ALS2: variants seen among roughly 807,000 people sequenced by gnomAD.
ALS2 encodes alsin.
In ALS2, 117 loss-of-function variants were observed where a neutral mutation model predicts 203.4. The ratio of observed to expected loss-of-function variants is 0.58; its 90% CI spans 0.50 to 0.67. The LOEUF is 0.67. ALS2 is among the 30% of genes least tolerant of loss of function. The pLI is 0.00. For synonymous variants in ALS2, 718 were observed against 725.9 expected, an observed-to-expected ratio of 0.99 and a Z score of 0.17; for missense variants, 1,715 against 1,989.4, an observed-to-expected ratio of 0.86 and a Z score of 2.62.
chr2:201,720,370 A>T (rs1398768506), intron 23 of ALS2, among the ~76,000 whole-genome samples: 1 of 152,092 alleles, frequency 6.6e-6, no homozygotes, highest in Non-Finnish European at 1.5e-5. Context: ...TAAAAACCAC[A>T]TGATCATCTC....
At chr2:201,709,387 T>A (rs1427839946) in intron 27 of ALS2, among the ~76,000 whole-genome samples, 1 of 152,220 alleles carries the variant, frequency 6.6e-6, no homozygotes, top group Non-Finnish European at 1.5e-5. Context: ...CAGCAAAGAC[T>A]GTTTGTCTTT....
chr2:201,729,286 G>A, intron 13 of ALS2, 103 bp from the exon 14 acceptor site: 1 of 1,351,316 alleles, frequency 7.4e-7, no homozygotes, highest in Non-Finnish European at 1.0e-6. Context: ...TTAAATGTAG[G>A]AGAAAATTCA....
At chr2:201,762,140 C>T (rs1004659093) in intron 3 of ALS2, among the ~76,000 whole-genome samples, 23 of 152,174 alleles carry the variant, frequency 1.5e-4, no homozygotes. Flanking sequence ...ATTATAGAAA[C>T]AGATTCCAAG....
Position 201,718,106 on chromosome 2 carries a change from A to G in ALS2, c.3807T>C (p.Tyr1269=). 1.2e-6 allele frequency: 2 copies of G among 1,613,738 alleles called. No individual in the cohort carries two copies. Among genetic ancestry groups the G allele is most frequent in the Non-Finnish European group, 1.7e-6 (2 of 1,179,698 alleles). The change falls in exon 24 of 34, where the codon TAT becomes TAC. Residue 1269 remains tyrosine (Y), a synonymous_variant. Transcript: ENST00000264276. ...CTTTAGGTCTGTCTTTATCACTCTCATATAGACTAGGTTTGAAGTAGGTTC... is the reference window on the plus strand; with the variant it reads ...CTTTAGGTCTGTCTTTATCACTCTCGTATAGACTAGGTTTGAAGTAGGTTC... ...ITGTYFKPSL[Y]ESDKDRPKVF...
intron 12 of ALS2, among the ~76,000 whole-genome samples, chr2:201,735,727 A>T (rs1336580199): frequency 6.6e-6 from 1 of 152,204 alleles, no homozygotes; most frequent in African/African-American, 2.4e-5. Flanking sequence ...AACAAGGTCA[A>T]TTCTTCAGTA....
At chr2:201,776,655 G>T (rs1694675762) in intron 1 of ALS2, among the ~76,000 whole-genome samples, 1 of 151,926 alleles carries the variant, frequency 6.6e-6, no homozygotes, top group African/African-American at 2.4e-5. Context: ...TATTAAAATG[G>T]CCACAATTTT....
chr2:201,774,540 A>G (rs1694567634), intron 1 of ALS2, among the ~76,000 whole-genome samples: 1 of 152,204 alleles, frequency 6.6e-6, no homozygotes, highest in South Asian at 2.1e-4. Flanking sequence ...TATAAATAAA[A>G]ATTTTAAATG....
chr2:201,746,568 T>C lies in ALS2; in HGVS notation c.1996A>G (p.Lys666Glu). Residue 666 changes from lysine (K) to glutamate (E), a missense_variant and splice_region_variant, in exon 9 of 34, where the codon AAG (lysine) becomes GAG (glutamate). Around this residue, in one of 3 missense-constraint regions of ALS2, gnomAD observed 1,227 missense variants for 1,413.5 expected, o/e 0.87. Coordinates refer to ENST00000264276, the MANE Select transcript of ALS2 (RefSeq NM_020919.4). ...CTTAGGATCCAATTCCTGTTCACCT[T>C]ACTACAGGAGAGAAGTACTGGAGTC... Reference protein sequence around the residue: ...SKTPVLLSCSKLGYISRVTAG... With the variant: ...SKTPVLLSCSELGYISRVTAG... The C allele has an allele frequency of 6.2e-7, 1 of 1,614,126 alleles. No homozygotes were observed. The highest frequency in any genetic ancestry group is 8.5e-7 in the Non-Finnish European group (1 of 1,179,950).
intron 11 of ALS2, among the ~76,000 whole-genome samples, chr2:201,739,214 T>C (rs1692090348): frequency 8.6e-6 from 1 of 115,688 alleles, no homozygotes. Flanking sequence ...ACAGCCTGAG[T>C]GACAGGATAC....
rs767920657 is a variant in ALS2, at chr2:201,744,259, T to G, written c.2169A>C (p.Leu723Phe). 1.4e-5 allele frequency: 23 copies of G among 1,613,866 alleles called. No individual in the cohort carries two copies. The highest frequency in any genetic ancestry group is 8.5e-7 in the Non-Finnish European group (1 of 1,179,868). ...GGGAGAGAGGGGGTTGCAACTTACC[T>G]AAACTGAGAAGAGGCCTGAGAATCT... ...KSQILRPLLS[L>F]ENLGTTTTVQ... The change falls in exon 10 of 34, where the codon TTA becomes TTC. Residue 723 changes from leucine (L) to phenylalanine (F), a missense_variant and splice_region_variant. Around this residue, in one of 3 missense-constraint regions of ALS2, gnomAD observed 1,227 missense variants for 1,413.5 expected, o/e 0.87. Coordinates refer to ENST00000264276, the MANE Select transcript of ALS2 (RefSeq NM_020919.4).
At chr2:201,751,785 T>C (rs568710172) in intron 7 of ALS2, among the ~76,000 whole-genome samples, 2 of 152,222 alleles carry the variant, frequency 1.3e-5, no homozygotes, top group East Asian at 3.9e-4. Flanking sequence ...ACAGTTCTAG[T>C]TTTTAATGAC....
At position 201,776,219 on chromosome 2, in the gene ALS2, C is replaced by T. The variant is rs553275566; in HGVS notation, c.-61+4658G>A. On this transcript the variant is annotated intron_variant, in intron 1 of 33. Coordinates refer to ENST00000264276, the MANE Select transcript of ALS2 (RefSeq NM_020919.4). ...AACTCAGAGAAGTGTTCCTTTCTCC[C>T]TTTCTCCTTAGTACACAGACAGCTT... 2.0e-5 allele frequency among the ~76,000 whole-genome samples: 3 copies of T among 152,242 alleles called. No homozygotes were observed. In the East Asian group the frequency reaches 5.8e-4, roughly 29 times the overall value.
chr2:201,712,230 A>G (rs1690077231), intron 25 of ALS2, among the ~76,000 whole-genome samples: 1 of 152,218 alleles, frequency 6.6e-6, no homozygotes, highest in South Asian at 2.1e-4. Flanking sequence ...CCAGGCTAGA[A>G]TAACAATTAG....
chr2:201,771,192 A>G (rs1007362244), intron 1 of ALS2, among the ~76,000 whole-genome samples: 1 of 150,914 alleles, frequency 6.6e-6, no homozygotes, highest in Non-Finnish European at 1.5e-5. Flanking sequence ...GATTACAGGC[A>G]CCCGCCATTA....
chr2:201,726,803 G>A lies in ALS2; in HGVS notation c.3043C>T (p.Pro1015Ser), dbSNP rs267599156. The change falls in exon 18 of 34, where the codon CCC becomes TCC. Residue 1015 changes from proline to serine, a missense_variant. Physicochemically the swap from Pro to Ser is moderately conservative, Grantham distance 74. This residue lies in a region of ALS2 where 1,227 missense variants were observed against 1,413.5 expected (regional missense o/e 0.87). Coordinates refer to ENST00000264276, the MANE Select transcript of ALS2 (RefSeq NM_020919.4). ...DQALRGMSDL[P>S]PYGSGSSVQR... ...ACACTGCTACCACTTCCATAAGGGG[G>A]GAGATCAGACATCCCTCTCAAAGCC... 3 of 1,614,004 alleles carry A rather than the reference G, an allele frequency of 1.9e-6. No individual in the cohort carries two copies. Among genetic ancestry groups the A allele is most frequent in the African/African-American group, 1.3e-5 (1 of 74,906 alleles).
rs762235200 is a variant in ALS2, at chr2:201,723,407, C to T, written c.3547G>A (p.Val1183Met). 4.2e-5 allele frequency: 68 copies of T among 1,613,988 alleles called. No individual in the cohort carries two copies. In the South Asian group the frequency reaches 7.1e-4, roughly 17 times the overall value. Residue 1183 changes from valine to methionine, a missense_variant, in exon 22 of 34, where the codon GTG (valine) becomes ATG (methionine). This residue lies in a region of ALS2 where 1,227 missense variants were observed against 1,413.5 expected (regional missense o/e 0.87). Coordinates refer to ENST00000264276, the MANE Select transcript of ALS2 (RefSeq NM_020919.4). ...EKYMGMWQDD[V>M]CQGNGVVVTQ... Reference sequence around the variant, plus strand: ...ACCACCACACCATTCCCTTGACACACATCATCTTGCCACATTCCCATATAC... The same window carrying T: ...ACCACCACACCATTCCCTTGACACATATCATCTTGCCACATTCCCATATAC...
At position 201,723,342 on chromosome 2, in the gene ALS2, A is replaced by G; in HGVS notation, c.3612T>C (p.Leu1204=). 6.2e-7 allele frequency: 1 copy of G among 1,609,420 alleles called. No individual in the cohort carries two copies. Among genetic ancestry groups the G allele is most frequent in the Non-Finnish European group, 8.5e-7 (1 of 1,175,676 alleles). ...FGLYYEGNFH[L]NKMMGNGVLL... is the part of the protein sequence containing the mutation. ...ATATTCCACTCACCATCATTTTATTAAGGTGAAAGTTGCCCTCGTAGTATA... is the reference window on the plus strand; with the variant it reads ...ATATTCCACTCACCATCATTTTATTGAGGTGAAAGTTGCCCTCGTAGTATA... The change falls in exon 22 of 34, where the codon CTT becomes CTC. Residue 1204 remains leucine (L), a synonymous_variant. Transcript: ENST00000264276.
rs1011034227 is a variant in ALS2 at position 201,754,430 on chromosome 2, A to T, written c.1640+73T>A. On this transcript the variant is annotated intron_variant, in intron 6 of 33. Coordinates refer to ENST00000264276, the MANE Select transcript of ALS2 (RefSeq NM_020919.4). The stretch of plus-strand genomic sequence containing the variant: ...AGATTTCCTCTATGAGGAAAGTGAG[A>T]TTTAGAGACCTTCCCAGGAGAGAGA... 7.5e-6 allele frequency: 12 copies of T among 1,589,764 alleles called. No individual in the cohort carries two copies. The Admixed American group carries it at 1.7e-4, about 22-fold the overall frequency.
chr2:201,752,174 C>T (rs1460148459), intron 7 of ALS2, among the ~76,000 whole-genome samples: 1 of 152,124 alleles, frequency 6.6e-6, no homozygotes, highest in Non-Finnish European at 1.5e-5. Flanking sequence ...AGAGAAATGA[C>T]ATTTTTACAA....
Sources: gnomAD v4.1 joint callset for allele counts (sites outside exome capture counted in the v4.1 genomes callset) on GRCh38, gnomAD v4.1.1 for gene constraint, gnomAD v4.1.1 regional missense constraint, MANE v1.5 for transcripts, NCBI Gene and HGNC (gene_info 2026-07-23, HGNC 2026-07-21) for gene names.